PACSIN3: variants seen among roughly 807,000 people sequenced by gnomAD.
PACSIN3 encodes the protein protein kinase C and casein kinase substrate in neurons protein 3.
PACSIN3 carries 34 observed loss-of-function variants against 56.1 expected under a neutral mutation model. The observed-to-expected ratio is 0.61, with a 90% CI of 0.46 to 0.81. The LOEUF is 0.81. PACSIN3 is among the 30% of genes least tolerant of loss of function. PACSIN3 has a pLI of 0.00. For synonymous variants in PACSIN3, 218 were observed against 229.8 expected (o/e 0.95, Z 0.46); for missense variants, 535 against 592.4 (o/e 0.90, Z 1.01).
rs377399436 is a variant in PACSIN3, at chr11:47,180,389, C to G, written c.448-48G>C. The stretch of plus-strand genomic sequence containing the variant: ...TGGACCCTGGATGCCACACCTTGGC[C>G]CCCTCGATCCCTTGCAAACAAACAG... On this transcript the variant is annotated intron_variant, in intron 5 of 10. Coordinates refer to ENST00000298838, the MANE Select transcript of PACSIN3 (RefSeq NM_016223.5). The G allele has an allele frequency of 2.4e-5, 38 of 1,598,214 alleles. No individual in the cohort carries two copies. In the African/African-American group the frequency reaches 3.7e-4, roughly 16 times the overall value.
chr11:47,180,790 A>G (rs930340818), intron 4 of PACSIN3, 100 bp from the exon 5 acceptor site: 25 of 886,540 alleles, frequency 2.8e-5, no homozygotes, highest in South Asian at 2.5e-4. Flanking sequence ...GGGTACGCGC[A>G]TGGGGTGCAA....
Position 47,180,671 on chromosome 11 carries a change from C to T in PACSIN3, c.231G>A (p.Leu77=). The change falls in exon 5 of 11, where the codon CTG becomes CTA. Residue 77 remains leucine, a synonymous_variant. Transcript: ENST00000298838. ...TVEKGPQYGT[L]EKAWHAFFTA... is the part of the protein sequence containing the mutation. ...TGAAAAAGGCATGCCAGGCCTTCTC[C>T]AGTGTGCCATACTGGGGGCCTGCAG... 1 of 1,600,812 alleles carries T rather than the reference C, an allele frequency of 6.2e-7. No homozygotes were observed. Among genetic ancestry groups the T allele is most frequent in the Non-Finnish European group, 8.5e-7 (1 of 1,179,240 alleles).
chr11:47,179,042 G>A lies in PACSIN3; in HGVS notation c.901-12C>T, dbSNP rs1590971066. ...TCCAAGGACCACTCCTGTGGGGACA[G>A]TGCTTATAGTCAGGTGGGGCCATCT... On this transcript the variant is annotated splice_polypyrimidine_tract_variant and intron_variant, in intron 8 of 10. Coordinates refer to ENST00000298838, the MANE Select transcript of PACSIN3 (RefSeq NM_016223.5). This position sits in a 1 kb window ranked among gnomAD's most constrained non-coding sequence, Gnocchi z 4.4. 3 of 1,614,142 alleles carry A rather than the reference G, an allele frequency of 1.9e-6. No individual in the cohort carries two copies. Among genetic ancestry groups the A allele is most frequent in the Non-Finnish European group, 2.5e-6 (3 of 1,180,022 alleles).
chr11:47,178,361 G>A lies in PACSIN3; in HGVS notation c.1159+5C>T, dbSNP rs1952932203. On this transcript the variant is annotated splice_donor_5th_base_variant and intron_variant, in intron 10 of 10. Coordinates refer to ENST00000298838, the MANE Select transcript of PACSIN3 (RefSeq NM_016223.5). The surrounding 1 kb of genome is among the most constrained non-coding windows in gnomAD (Gnocchi z 4.2). ...GCTGAAGCTAGGAAAGGGGTCCCAG[G>A]GTACCTGCTCGGAAGCTCAGCTCAT... The A allele has an allele frequency of 1.2e-6, 2 of 1,613,744 alleles. No homozygotes were observed. The highest frequency in any genetic ancestry group is 4.5e-5 in the East Asian group (2 of 44,884).
intron 4 of PACSIN3, among the ~76,000 whole-genome samples, chr11:47,181,261 CA>C (rs1209162066): frequency 2.8e-5 from 4 of 144,308 alleles, no homozygotes; most frequent in African/African-American, 1.1e-4. Flanking sequence ...GACTCTATCT[CA>C]AAAAAAAAGA....
Position 47,179,054 on chromosome 11 carries a change from A to G in PACSIN3, c.901-24T>C. On this transcript the variant is annotated intron_variant, in intron 8 of 10. Coordinates refer to ENST00000298838, the MANE Select transcript of PACSIN3 (RefSeq NM_016223.5). This position sits in a 1 kb window ranked among gnomAD's most constrained non-coding sequence, Gnocchi z 4.4. ...TCCTGTGGGGACAGTGCTTATAGTCAGGTGGGGCCATCTGAACCACCTTCA... is the reference window on the plus strand; with the variant it reads ...TCCTGTGGGGACAGTGCTTATAGTCGGGTGGGGCCATCTGAACCACCTTCA... The G allele has an allele frequency of 1.9e-6, 3 of 1,614,108 alleles. No homozygotes were observed. Among genetic ancestry groups the G allele is most frequent in the Non-Finnish European group, 2.5e-6 (3 of 1,180,012 alleles).
intron 1 of PACSIN3, among the ~76,000 whole-genome samples, chr11:47,184,992 A>G (rs924796663): frequency 1.3e-5 from 2 of 152,132 alleles, no homozygotes; most frequent in Non-Finnish European, 2.9e-5. Flanking sequence ...CAGGCCCCAC[A>G]GCCCCAGCCT....
rs762462847 is a variant in PACSIN3, at chr11:47,182,466, C to G, written c.148G>C (p.Glu50Gln). Reference protein sequence around the residue: ...VSCFQERARIEKAYAQQLADW... With the variant: ...VSCFQERARIQKAYAQQLADW... ...GCCAACTGCTGGGCATAAGCCTTCT[C>G]GATGCGGGCGCGCTCCTGGAAGCAG... The change falls in exon 4 of 11, where the codon GAG (glutamate) becomes CAG (glutamine). Residue 50 changes from glutamate to glutamine, a missense_variant. Coordinates refer to ENST00000298838, the MANE Select transcript of PACSIN3 (RefSeq NM_016223.5). 1 of 1,606,488 alleles carries G rather than the reference C, an allele frequency of 6.2e-7. No homozygotes were observed. Among genetic ancestry groups the G allele is most frequent in the Non-Finnish European group, 8.5e-7 (1 of 1,179,954 alleles).
At chr11:47,181,566 G>A (rs1212895452) in intron 4 of PACSIN3, among the ~76,000 whole-genome samples, 1 of 152,234 alleles carries the variant, frequency 6.6e-6, no homozygotes, top group African/African-American at 2.4e-5. Context: ...GCTCACGCCT[G>A]TAATCTCAGC....
intron 2 of PACSIN3, 87 bp downstream of exon 2, chr11:47,182,917 C>A (rs1158703831): frequency 1.1e-5 from 6 of 549,782 alleles, no homozygotes; most frequent in Non-Finnish European, 1.9e-5. Context: ...TGCTGAAGAC[C>A]CTAAGAAGGG....
In PACSIN3 at chr11:47,178,769, C is replaced by T; in HGVS notation, c.1037+125G>A. On this transcript the variant is annotated intron_variant, in intron 9 of 10. Coordinates refer to ENST00000298838, the MANE Select transcript of PACSIN3 (RefSeq NM_016223.5). This position sits in a 1 kb window ranked among gnomAD's most constrained non-coding sequence, Gnocchi z 4.2. ...AGTATCATTACAACTACTAAGTAGG[C>T]CCTCAGGTCCCTGGCACCAATTTTC... 1 of 1,085,136 alleles carries T rather than the reference C, an allele frequency of 9.2e-7. No homozygotes were observed. The highest frequency in any genetic ancestry group is 1.3e-6 in the Non-Finnish European group (1 of 755,102). The allele number at this position is 1,085,136 out of a possible 1,614,324, so 67.2% of individuals were successfully genotyped here.
At position 47,179,276 on chromosome 11, in the gene PACSIN3, G is replaced by A. The variant is rs1315885178; in HGVS notation, c.783C>T (p.Phe261=). 6.2e-7 allele frequency: 1 copy of A among 1,614,054 alleles called. No homozygotes were observed. Among genetic ancestry groups the A allele is most frequent in the Non-Finnish European group, 8.5e-7 (1 of 1,180,028 alleles). ...QHLDLSSSEK[F]HELHRDLHQG... ...GGTGCAAGTCACGGTGGAGTTCATG[G>A]AACCTATGACCCAAGGCACACCCCT... The change falls in exon 8 of 11, where the codon TTC becomes TTT. Residue 261 remains phenylalanine, a synonymous_variant. Transcript: ENST00000298838. The surrounding 1 kb of genome is among the most constrained non-coding windows in gnomAD (Gnocchi z 4.4).
rs548697444 is a variant in PACSIN3 at position 47,182,736 on chromosome 11, C to T, written c.-9G>A. The T allele has an allele frequency of 1.3e-5, 21 of 1,610,096 alleles. No individual in the cohort carries two copies. Among genetic ancestry groups the T allele is most frequent in the African/African-American group, 4.0e-5 (3 of 74,854 alleles). On this transcript the variant is annotated 5_prime_UTR_variant, in exon 3 of 11. Coordinates refer to ENST00000298838, the MANE Select transcript of PACSIN3 (RefSeq NM_016223.5). ...TCCTCTTCTGGAGCCATGGTGTCCCCGCAGCACGGAATGGTGGCGGATTTG... is the reference window on the plus strand; with the variant it reads ...TCCTCTTCTGGAGCCATGGTGTCCCTGCAGCACGGAATGGTGGCGGATTTG...
Position 47,182,465 on chromosome 11 carries a change from T to C in PACSIN3, c.149A>G (p.Glu50Gly). ...VSCFQERARIEKAYAQQLADW... is the reference protein window; with the variant it reads ...VSCFQERARIGKAYAQQLADW... ...AGCCAACTGCTGGGCATAAGCCTTC[T>C]CGATGCGGGCGCGCTCCTGGAAGCA... Residue 50 changes from glutamate to glycine, a missense_variant, in exon 4 of 11, where the codon GAG becomes GGG. By Grantham distance (98) the Glu-to-Gly change is moderately conservative. Transcript: ENST00000298838. 1 of 1,606,418 alleles carries C rather than the reference T, an allele frequency of 6.2e-7. No individual in the cohort carries two copies. Among genetic ancestry groups the C allele is most frequent in the Non-Finnish European group, 8.5e-7 (1 of 1,179,940 alleles).
intron 1 of PACSIN3, chr11:47,184,628 G>A (rs757850047): frequency 6.6e-6 from 1 of 152,284 alleles, no homozygotes; most frequent in Non-Finnish European, 1.5e-5. Context: ...ACAGGAGACA[G>A]AGCTAGGGGC....
In PACSIN3 at chr11:47,180,530, GC is replaced by G; in HGVS notation, c.371del (p.Gly124AlafsTer21). ...CGGCCGCCCGGCTCTCGCGGAAGCC[GC>G]CCAGCACAGGCCGGTGGAAAGCCCC... ...QRGAFHRPVL[G>X]GFRESRAAED... On this transcript the variant is annotated frameshift_variant, in exon 5 of 11. Coordinates refer to ENST00000298838, the MANE Select transcript of PACSIN3 (RefSeq NM_016223.5). LOFTEE classifies it high-confidence loss of function. 1 of 1,604,090 alleles carries G rather than the reference GC, an allele frequency of 6.2e-7. No homozygotes were observed.
chr11:47,183,866 A>G (rs562367474), intron 1 of PACSIN3, among the ~76,000 whole-genome samples: 5 of 152,294 alleles, frequency 3.3e-5, no homozygotes, highest in South Asian at 2.1e-4. Flanking sequence ...TACTAAAAAT[A>G]TAAAAATTAG....
chr11:47,180,967 C>T (rs1318941130), intron 4 of PACSIN3, among the ~76,000 whole-genome samples: 1 of 152,182 alleles, frequency 6.6e-6, no homozygotes, highest in Admixed American at 6.5e-5. Flanking sequence ...ATTATGGCTA[C>T]AACAGGAGCT....
In PACSIN3 at chr11:47,180,528, C is replaced by T; in HGVS notation, c.374G>A (p.Gly125Asp). 1 of 1,603,714 alleles carries T rather than the reference C, an allele frequency of 6.2e-7. No homozygotes were observed. ...CTCGGCCGCCCGGCTCTCGCGGAAG[C>T]CGCCCAGCACAGGCCGGTGGAAAGC... is the stretch of plus-strand genomic sequence containing the variant. Reference protein sequence around the residue: ...RGAFHRPVLGGFRESRAAEDG... With the variant: ...RGAFHRPVLGDFRESRAAEDG... Residue 125 changes from glycine (G) to aspartate (D), a missense_variant, in exon 5 of 11, where the codon GGC becomes GAC. By Grantham distance (94) the Gly-to-Asp change is moderately conservative. Transcript: ENST00000298838.
Sources: gnomAD v4.1 joint callset for allele counts (sites outside exome capture counted in the v4.1 genomes callset) on GRCh38, gnomAD v4.1.1 for gene constraint, Gnocchi (gnomAD v3.1) non-coding constraint, MANE v1.5 for transcripts, NCBI Gene and HGNC (gene_info 2026-07-23, HGNC 2026-07-21) for gene names.